PHF19: variants seen among roughly 807,000 people sequenced by gnomAD.
PHF19 encodes polycomb like 3.
Under a neutral mutation model 79.8 loss-of-function variants are expected in PHF19, and 21 were observed. That is an observed-to-expected ratio of 0.26 (90% confidence interval 0.19 to 0.38). The LOEUF is 0.38. Among genes scored for constraint, PHF19 ranks in the 10% least tolerant of loss-of-function variants. The probability of loss-of-function intolerance (pLI) is 1.00; values close to 1 mark genes in which losing one functional copy is unlikely to be tolerated. For missense variants in PHF19, 445 were observed against 744.2 expected (o/e 0.60, Z 4.68); for synonymous variants, 273 against 296.3 (o/e 0.92, Z 0.81).
At chr9:120,897,795 G>A (rs1050972675), upstream of PHF19, among the ~76,000 whole-genome samples, 2 of 151,796 alleles carry the variant, frequency 1.3e-5, no homozygotes, top group Non-Finnish European at 2.9e-5. Flanking sequence ...TCTGGCCAAC[G>A]TGGTGAAACC....
At chr9:120,859,318 C>T (rs182847244) in intron 14 of PHF19, among the ~76,000 whole-genome samples, 89 of 147,750 alleles carry the variant, frequency 6.0e-4, no homozygotes, top group African/African-American at 2.1e-3. Flanking sequence ...CGGGGTTTCA[C>T]CATGTTGGCC....
chr9:120,891,575 G>A lies in PHF19; in HGVS notation c.42+3213C>T, dbSNP rs955687778. On this transcript the variant is annotated intron_variant, in intron 1 of 14. Coordinates refer to the PHF19 transcript ENST00000616568. This position sits in a 1 kb window ranked among gnomAD's most constrained non-coding sequence, Gnocchi z 4.3. ...AGCGCCACCATAATTTACAGCACAC[G>A]ACTCAAGACCCACCCAGCCACTTAG... Among the ~76,000 whole-genome samples the A allele has an allele frequency of 1.3e-5, 2 of 152,168 alleles. No individual in the cohort carries two copies. The highest frequency in any genetic ancestry group is 2.9e-5 in the Non-Finnish European group (2 of 68,034).
In PHF19 at chr9:120,862,911, G is replaced by A. The variant is rs1381887212; in HGVS notation, c.969-162C>T. ...ACTTCCTCAAAGCCCATGGGATGCG[G>A]GGTTCCAGGTAGCAGCTGAGAACAC... On this transcript the variant is annotated intron_variant, in intron 10 of 14. Coordinates refer to ENST00000373896, the MANE Select transcript of PHF19 (RefSeq NM_015651.3). The surrounding 1 kb of genome is among the most constrained non-coding windows in gnomAD (Gnocchi z 4.6). 7.7e-6 allele frequency: 5 copies of A among 652,534 alleles called. No individual in the cohort carries two copies. The highest frequency in any genetic ancestry group is 1.1e-5 in the Non-Finnish European group (4 of 372,682). 40.4% of individuals were successfully genotyped at this position (652,534 alleles called of 1,614,324 possible).
In PHF19 at chr9:120,870,770, G is replaced by C. The variant is rs546568163; in HGVS notation, c.269-232C>G. On this transcript the variant is annotated intron_variant, in intron 3 of 14. Transcript: ENST00000373896. This position sits in a 1 kb window ranked among gnomAD's most constrained non-coding sequence, Gnocchi z 4.4. ...CTTGCTTAGCTAGTAAGTAGGTGAG[G>C]GGGGGATTAAACCCATGGCTGTTTG... Among the ~76,000 whole-genome samples the C allele has an allele frequency of 2.6e-5, 4 of 152,150 alleles. No individual in the cohort carries two copies. Among genetic ancestry groups the C allele is most frequent in the Non-Finnish European group, 5.9e-5 (4 of 68,030 alleles).
rs1408816611 is a variant in PHF19, at chr9:120,860,406, G to GT, written c.1305-222dup. On this transcript the variant is annotated intron_variant, in intron 13 of 14. Coordinates refer to ENST00000373896, the MANE Select transcript of PHF19 (RefSeq NM_015651.3). The surrounding 1 kb of genome is among the most constrained non-coding windows in gnomAD (Gnocchi z 4.1). ...TGGAGCACCCTCCCCTGGCGGTGAC[G>GT]TAAGCACTGGTGTCAATAACTCGAG... 2.5e-5 allele frequency: 13 copies of GT among 527,248 alleles called. No homozygotes were observed. The highest frequency in any genetic ancestry group is 3.8e-5 in the Non-Finnish European group (11 of 289,704). The allele number at this position is 527,248 out of a possible 1,614,324, so 32.7% of individuals were successfully genotyped here.
In PHF19 at chr9:120,874,066, G is replaced by A. The variant is rs2045978244; in HGVS notation, c.187-6C>T. On this transcript the variant is annotated splice_polypyrimidine_tract_variant and splice_region_variant and intron_variant, in intron 2 of 14. Coordinates refer to ENST00000373896, the MANE Select transcript of PHF19 (RefSeq NM_015651.3). This position sits in a 1 kb window ranked among gnomAD's most constrained non-coding sequence, Gnocchi z 4.5. ...CTTTGCTTAGAGCTGCTGACCTGGG[G>A]TACAGATAGGAAGGAGCAAGTGAGA... The A allele has an allele frequency of 3.2e-6, 5 of 1,555,724 alleles. No individual in the cohort carries two copies. The highest frequency in any genetic ancestry group is 4.4e-6 in the Non-Finnish European group (5 of 1,129,898).
chr9:120,869,132 T>C lies in PHF19; in HGVS notation c.614+50A>G. 1 of 1,557,428 alleles carries C rather than the reference T, an allele frequency of 6.4e-7. No homozygotes were observed. The stretch of plus-strand genomic sequence containing the variant: ...CCCTATGGGCGGTCCCTGCTGGCGA[T>C]TCTTGGAGACCTGCCCTGCCGCCCG... On this transcript the variant is annotated intron_variant, in intron 6 of 14. Transcript: ENST00000373896. This position sits in a 1 kb window ranked among gnomAD's most constrained non-coding sequence, Gnocchi z 5.8.
chr9:120,876,880 G>GC (rs1175796308), intron 1 of PHF19: 8 of 531,780 alleles, frequency 1.5e-5, no homozygotes, highest in South Asian at 8.2e-5. Flanking sequence ...TGTCACCCAT[G>GC]CCCCCCGGGG....
chr9:120,861,037 G>C (rs2045506817), intron 13 of PHF19, 52 bp downstream of exon 13: 1 of 1,050,700 alleles, frequency 9.5e-7, no homozygotes, highest in Non-Finnish European at 1.5e-6. Context: ...TTTCTGCTTG[G>C]TTCCCTCCCT....
rs1232071322 is a variant in PHF19, at chr9:120,858,172, C to T, written c.1515G>A (p.Glu505=). The T allele has an allele frequency of 2.1e-5, 33 of 1,608,614 alleles. No homozygotes were observed. In the Admixed American group the frequency reaches 5.5e-4, roughly 27 times the overall value. The change falls in exon 15 of 15, where the codon GAG becomes GAA. Residue 505 remains glutamate, a synonymous_variant. Coordinates refer to ENST00000373896, the MANE Select transcript of PHF19 (RefSeq NM_015651.3). Reference sequence around the variant, plus strand: ...CTGGCCGCTCGGGGACTGAAGCCCCCTCTGCACTGCTGTCCGAGGGGCAGC... The same window carrying T: ...CTGGCCGCTCGGGGACTGAAGCCCCTTCTGCACTGCTGTCCGAGGGGCAGC... ...DGRCPSDSSA[E]GASVPERPDE... is the part of the protein sequence containing the mutation.
upstream of PHF19, among the ~76,000 whole-genome samples, chr9:120,899,227 A>G (rs1305019997): frequency 7.0e-6 from 1 of 142,628 alleles, no homozygotes; most frequent in African/African-American, 2.6e-5. Context: ...GGCCAGGCGC[A>G]GTGGCTCACA....
At chr9:120,896,899 A>G (rs2046407378), upstream of PHF19, among the ~76,000 whole-genome samples, 1 of 152,198 alleles carries the variant, frequency 6.6e-6, no homozygotes, top group South Asian at 2.1e-4. Flanking sequence ...TATAAGGTAT[A>G]ACACGCCCCC....
chr9:120,898,603 T>C (rs1017915241), upstream of PHF19, among the ~76,000 whole-genome samples: 2 of 152,200 alleles, frequency 1.3e-5, no homozygotes, highest in South Asian at 4.1e-4. Flanking sequence ...TCACAGCTGA[T>C]AGGTGTTTTT....
At position 120,870,435 on chromosome 9, in the gene PHF19, C is replaced by T; in HGVS notation, c.364+8G>A. 6.3e-7 allele frequency: 1 copy of T among 1,588,454 alleles called. No individual in the cohort carries two copies. ...GGGCCTTCTCAGGGCCCTGCTCGCT[C>T]CACTCACCCAGGCCACACTTCCCGC... On this transcript the variant is annotated splice_region_variant and intron_variant, in intron 4 of 14. Transcript: ENST00000373896. This position sits in a 1 kb window ranked among gnomAD's most constrained non-coding sequence, Gnocchi z 4.4.
intron 1 of PHF19, among the ~76,000 whole-genome samples, chr9:120,892,269 C>T (rs2046352263): frequency 6.6e-6 from 1 of 152,126 alleles, no homozygotes; most frequent in Non-Finnish European, 1.5e-5. Context: ...GGTGTGCTTG[C>T]CTGGCCTTGT....
upstream of PHF19, among the ~76,000 whole-genome samples, chr9:120,895,904 C>T (rs1256104819): frequency 2.6e-5 from 4 of 152,202 alleles, no homozygotes; most frequent in African/African-American, 9.7e-5. Context: ...CTGCCTGCCT[C>T]ATCCTCCCAA....
chr9:120,860,202 C>A lies in PHF19; in HGVS notation c.1305-17G>T, dbSNP rs372917917. On this transcript the variant is annotated splice_polypyrimidine_tract_variant and intron_variant, in intron 13 of 14. Transcript: ENST00000373896. This position sits in a 1 kb window ranked among gnomAD's most constrained non-coding sequence, Gnocchi z 4.1. ...GAGCTGGCACTGAGAGGGGCAAGACCGTGAGCCTGCTGGTGGCCCGGCCCA... is the reference window on the plus strand; with the variant it reads ...GAGCTGGCACTGAGAGGGGCAAGACAGTGAGCCTGCTGGTGGCCCGGCCCA... 1.4e-6 allele frequency: 2 copies of A among 1,463,592 alleles called. No individual in the cohort carries two copies. The highest frequency in any genetic ancestry group is 9.4e-7 in the Non-Finnish European group (1 of 1,059,162). 90.7% of individuals were successfully genotyped at this position (1,463,592 alleles called of 1,614,324 possible).
chr9:120,864,034 C>T lies in PHF19; in HGVS notation c.968+15G>A. 1 of 1,610,564 alleles carries T rather than the reference C, an allele frequency of 6.2e-7. No homozygotes were observed. The highest frequency in any genetic ancestry group is 8.5e-7 in the Non-Finnish European group (1 of 1,177,744). ...TAGAGGGCCCCACCACACTCCCTCCCCTCCCTGCACGCACCGGCTTTTATA... is the reference window on the plus strand; with the variant it reads ...TAGAGGGCCCCACCACACTCCCTCCTCTCCCTGCACGCACCGGCTTTTATA... On this transcript the variant is annotated intron_variant, in intron 10 of 14. Coordinates refer to ENST00000373896, the MANE Select transcript of PHF19 (RefSeq NM_015651.3).
upstream of PHF19, among the ~76,000 whole-genome samples, chr9:120,896,451 CTTTTTTTT>C (rs71370604): frequency 2.4e-5 from 2 of 82,712 alleles, no homozygotes; most frequent in Non-Finnish European, 4.6e-5. Context: ...TTTTTTTTTT[CTTTTTTTT>C]TTTTTTTTTT....
Sources: gnomAD v4.1 joint callset for allele counts (sites outside exome capture counted in the v4.1 genomes callset) on GRCh38, gnomAD v4.1.1 for gene constraint, Gnocchi (gnomAD v3.1) non-coding constraint, MANE v1.5 for transcripts, NCBI Gene and HGNC (gene_info 2026-07-23, HGNC 2026-07-21) for gene names.